The following GNA14 variants were observed in gnomAD, a reference collection of about 807,000 sequenced individuals.
GNA14 encodes the protein guanine nucleotide-binding protein subunit alpha-14.
A neutral mutation model predicts 42.0 loss-of-function variants in GNA14; 50 were observed. The ratio of observed to expected loss-of-function variants is 1.19; its 90% CI spans 0.95 to 1.51. GNA14 has a LOEUF of 1.51. Ranked by LOEUF, GNA14 falls within the 40% of genes most tolerant of loss-of-function variation. The pLI is 0.00. For missense variants in GNA14, 473 were observed against 446.2 expected (o/e 1.06, Z -0.54); for synonymous variants, 173 against 163.1 (o/e 1.06, Z -0.46).
At chr9:77,534,917 A>T (rs1223414036) in intron 1 of GNA14, among the ~76,000 whole-genome samples, 1 of 152,188 alleles carries the variant, frequency 6.6e-6, no homozygotes, top group Non-Finnish European at 1.5e-5. Context: ...CTCAGAGTGG[A>T]TGAGTCTGTT....
At chr9:77,594,461 C>T (rs1823434293) in intron 1 of GNA14, among the ~76,000 whole-genome samples, 1 of 152,138 alleles carries the variant, frequency 6.6e-6, no homozygotes, top group Non-Finnish European at 1.5e-5. Context: ...AGAACAAGCA[C>T]CAAAAACAAA....
At chr9:77,488,784 T>TAAAAAAAAAAAAA (rs67416479) in intron 2 of GNA14, among the ~76,000 whole-genome samples, 3 of 53,684 alleles carry the variant, frequency 5.6e-5, no homozygotes, top group African/African-American at 1.7e-4. Context: ...CACACCTAAT[T>TAAAAAAAAAAAAA]AAAAAAAAAA....
intron 2 of GNA14, among the ~76,000 whole-genome samples, chr9:77,493,026 A>ATATATATATAT (rs1261356124): frequency 9.7e-5 from 5 of 51,720 alleles, no homozygotes; most frequent in African/African-American, 5.6e-4. Context: ...AAAAAAAAAA[A>ATATATATATAT]ATATATATAT....
chr9:77,482,545 G>A (rs6560598), intron 2 of GNA14, among the ~76,000 whole-genome samples: 1 of 151,264 alleles, frequency 6.6e-6, no homozygotes, highest in Non-Finnish European at 1.5e-5. Context: ...GGAGTTGCTC[G>A]TCTTGAAGAG....
Position 77,587,712 on chromosome 9 carries a change from T to C in GNA14, c.125-58459A>G, listed in dbSNP as rs549734362. Among the ~76,000 whole-genome samples, 58 of 152,226 alleles carry C rather than the reference T, an allele frequency of 3.8e-4. 1 individual carries two copies. The highest frequency in any genetic ancestry group is 1.3e-3 in the African/African-American group (56 of 41,540). On this transcript the variant is annotated intron_variant, in intron 1 of 6. Transcript: ENST00000341700. ...GAAAATGTTTTGGTCCTAGATAGAG[T>C]GTTTGCATAGTACTGTGAATGTACT... is the stretch of plus-strand genomic sequence containing the variant.
chr9:77,596,905 G>A (rs959734721), intron 1 of GNA14, among the ~76,000 whole-genome samples: 1 of 152,094 alleles, frequency 6.6e-6, no homozygotes, highest in South Asian at 2.1e-4. Flanking sequence ...CCTTTGCTTC[G>A]AGTTGTCACA....
intron 1 of GNA14, among the ~76,000 whole-genome samples, chr9:77,633,506 T>C (rs1824130968): frequency 6.6e-6 from 1 of 152,050 alleles, no homozygotes; most frequent in African/African-American, 2.4e-5. Flanking sequence ...ACCCAAGACA[T>C]AGAAATGTTC....
At chr9:77,580,349 C>CGCAATGTAAAT (rs1823201629) in intron 1 of GNA14, 1 of 336,738 alleles carries the variant, frequency 3.0e-6, no homozygotes, top group Non-Finnish European at 6.2e-6. Context: ...TTTACATTGA[C>CGCAATGTAAAT]GCGTCATGCC....
intron 1 of GNA14, among the ~76,000 whole-genome samples, chr9:77,549,877 T>C (rs1837768301): frequency 1.3e-5 from 2 of 152,158 alleles, no homozygotes; most frequent in South Asian, 4.1e-4. Flanking sequence ...TTGCAAGCGC[T>C]TGGGACTCTA....
chr9:77,479,992 G>A (rs1456405049), intron 2 of GNA14, among the ~76,000 whole-genome samples: 10 of 152,200 alleles, frequency 6.6e-5, no homozygotes, highest in Non-Finnish European at 1.0e-4. Context: ...CATGTCATCT[G>A]CAAACAGGGA....
intron 1 of GNA14, among the ~76,000 whole-genome samples, chr9:77,588,868 C>T (rs767338756): frequency 9.2e-5 from 14 of 152,200 alleles, no homozygotes; most frequent in Non-Finnish European, 2.1e-4. Flanking sequence ...CACATGCAGT[C>T]GCAGAAAATT....
chr9:77,524,747 C>G (rs1837407803), intron 2 of GNA14, among the ~76,000 whole-genome samples: 1 of 151,938 alleles, frequency 6.6e-6, no homozygotes. Flanking sequence ...AAATAACAGC[C>G]ACAGGAAAAT....
intron 2 of GNA14, among the ~76,000 whole-genome samples, chr9:77,490,184 C>T (rs1406535412): frequency 1.3e-5 from 2 of 152,190 alleles, no homozygotes; most frequent in Non-Finnish European, 2.9e-5. Context: ...ACCAGAGCAG[C>T]TAGATACAGA....
In GNA14 at chr9:77,493,002, GGAAAAAA is replaced by G. The variant is rs1381958759; in HGVS notation, c.309+36060_309+36066del. On this transcript the variant is annotated intron_variant, in intron 2 of 6. Transcript: ENST00000341700. ...GGTGACAGAGCAAGACTCCGTCTCA[GGAAAAAA>G]AAAAAAAAAAAAAAAAAATATATAT... is the stretch of plus-strand genomic sequence containing the variant. Among the ~76,000 whole-genome samples the G allele has an allele frequency of 3.2e-4, 22 of 68,138 alleles. 2 individuals carry two copies. Among genetic ancestry groups the G allele is most frequent in the Admixed American group, 7.1e-4 (4 of 5,650 alleles). The allele number at this position is 68,138 out of a possible 152,430, so 44.7% of individuals were successfully genotyped here.
rs1458299665 is a variant in GNA14 at position 77,648,316 on chromosome 9, T to TG, written c.-524dup. On this transcript the variant is annotated 5_prime_UTR_variant, in exon 1 of 7. Transcript: ENST00000341700. ...CTCAGCAGTGACCGCAGACTAAGAC[T>TG]GAGTGGAAAGGTTCCCGCTAGCGTT... The TG allele has an allele frequency of 1.3e-5, 2 of 159,350 alleles. No individual in the cohort carries two copies. Among genetic ancestry groups the TG allele is most frequent in the African/African-American group, 4.8e-5 (2 of 41,464 alleles). 9.9% of individuals were successfully genotyped at this position (159,350 alleles called of 1,614,324 possible).
intron 1 of GNA14, among the ~76,000 whole-genome samples, chr9:77,551,699 TGG>T (rs1211773719): frequency 6.6e-6 from 1 of 152,010 alleles, no homozygotes; most frequent in Non-Finnish European, 1.5e-5. Flanking sequence ...GCAGCATCTT[TGG>T]GCAACAAGAA....
chr9:77,532,860 C>T (rs1837549447), intron 1 of GNA14, among the ~76,000 whole-genome samples: 1 of 152,156 alleles, frequency 6.6e-6, no homozygotes. Flanking sequence ...CAGGAACCCT[C>T]ACCCTGGCAG....
At chr9:77,424,241 G>C (rs188827342) in intron 6 of GNA14, 72 bp from the exon 7 acceptor site, 509 of 1,076,820 alleles carry the variant, frequency 4.7e-4, no homozygotes, top group Non-Finnish European at 6.5e-4. Context: ...CCTTTTTTTT[G>C]AGACAGAGTC....
In GNA14 at chr9:77,508,366, G is replaced by C. The variant is rs540777014; in HGVS notation, c.309+20703C>G. On this transcript the variant is annotated intron_variant, in intron 2 of 6. Coordinates refer to ENST00000341700, the MANE Select transcript of GNA14 (RefSeq NM_004297.4). ...AATGAGCAAATATGTTGAGATGCTT[G>C]AGAACCAGAGCTGTCACGATGGAAG... Among the ~76,000 whole-genome samples, 8 of 152,310 alleles carry C rather than the reference G, an allele frequency of 5.3e-5. No homozygotes were observed. In the East Asian group the frequency reaches 9.7e-4, roughly 18 times the overall value.
Sources: allele counts gnomAD v4.1 joint callset (sites outside exome capture counted in the v4.1 genomes callset), GRCh38; gene constraint gnomAD v4.1.1; transcripts MANE v1.5; gene names NCBI Gene and HGNC (gene_info 2026-07-23, HGNC 2026-07-21).